OR51B5: variants seen among roughly 807,000 people sequenced by gnomAD.
OR51B5 encodes olfactory receptor family 51 subfamily B member 5, also known as olfactory receptor 51B5.
For synonymous variants in OR51B5, 186 were observed against 144.8 expected, an observed-to-expected ratio of 1.28 and a Z score of -2.04; for missense variants, 456 against 374.6, an observed-to-expected ratio of 1.22 and a Z score of -1.79.
chr11:5,501,297 T>C (rs2133820571), intron 1 of OR51B5, among the ~76,000 whole-genome samples: 1 of 148,234 alleles, frequency 6.7e-6, no homozygotes, highest in East Asian at 2.0e-4. Context: ...TGCCTGATTC[T>C]GCCCTACTGG....
intron 1 of OR51B5, among the ~76,000 whole-genome samples, chr11:5,418,959 G>T (rs111542391): frequency 2.7e-5 from 4 of 150,562 alleles, no homozygotes; most frequent in African/African-American, 9.8e-5. Context: ...TCTTGATATC[G>T]GTAATAGGGC....
chr11:5,480,013 T>A (rs1289013691), intron 1 of OR51B5, among the ~76,000 whole-genome samples: 1 of 150,888 alleles, frequency 6.6e-6, no homozygotes, highest in Non-Finnish European at 1.5e-5. Context: ...CAAGCAGACC[T>A]AATAGACATC....
chr11:5,369,911 T>C (rs1849424322), intron 1 of OR51B5, among the ~76,000 whole-genome samples: 1 of 152,138 alleles, frequency 6.6e-6, no homozygotes. Context: ...GCTATCAACA[T>C]AGAAAGAAAG....
intron 1 of OR51B5, among the ~76,000 whole-genome samples, chr11:5,417,524 C>A (rs957105834): frequency 3.3e-5 from 5 of 150,068 alleles, no homozygotes; most frequent in Admixed American, 6.6e-5. Context: ...TCACAACCTA[C>A]TCATCTGACA....
At chr11:5,412,651 G>T (rs1850167139) in intron 1 of OR51B5, among the ~76,000 whole-genome samples, 1 of 152,298 alleles carries the variant, frequency 6.6e-6, no homozygotes, top group African/African-American at 2.4e-5. Context: ...CCTGCACATG[G>T]CTCAGAGGGT....
intron 1 of OR51B5, among the ~76,000 whole-genome samples, chr11:5,466,261 G>C (rs1046857397): frequency 1.6e-4 from 24 of 152,094 alleles, no homozygotes; most frequent in African/African-American, 5.3e-4. Flanking sequence ...CTGTTAATTA[G>C]GGAATTAGGC....
At chr11:5,483,488 C>T (rs1179931724) in intron 1 of OR51B5, among the ~76,000 whole-genome samples, 1 of 128,696 alleles carries the variant, frequency 7.8e-6, no homozygotes, top group Non-Finnish European at 1.6e-5. Context: ...GCACATGTAC[C>T]CTAAAACTTA....
intron 1 of OR51B5, among the ~76,000 whole-genome samples, chr11:5,378,266 T>A (rs376295712): frequency 4.6e-5 from 7 of 152,064 alleles, no homozygotes; most frequent in African/African-American, 9.6e-5. Context: ...ATATGTAGAA[T>A]GCTGAAACTG....
At chr11:5,488,304 A>G (rs1211390201) in intron 1 of OR51B5, among the ~76,000 whole-genome samples, 1 of 152,176 alleles carries the variant, frequency 6.6e-6, no homozygotes, top group African/African-American at 2.4e-5. Context: ...AGAGGAGGAA[A>G]ATAAAGGAAT....
At chr11:5,459,335 T>A (rs1851011783) in intron 1 of OR51B5, among the ~76,000 whole-genome samples, 1 of 152,200 alleles carries the variant, frequency 6.6e-6, no homozygotes, top group East Asian at 1.9e-4. Context: ...AGCTCTTTGA[T>A]GTGCTGCTGG....
chr11:5,414,752 C>T (rs1247399793), intron 1 of OR51B5, among the ~76,000 whole-genome samples: 1 of 152,190 alleles, frequency 6.6e-6, no homozygotes, highest in African/African-American at 2.4e-5. Context: ...GCACCCAATA[C>T]AGGAGCACCC....
intron 1 of OR51B5, among the ~76,000 whole-genome samples, chr11:5,481,896 G>A (rs1851427711): frequency 7.1e-6 from 1 of 141,168 alleles, no homozygotes; most frequent in East Asian, 2.2e-4. Flanking sequence ...CTCACGGGTA[G>A]GAAGAATCAA....
chr11:5,370,783 C>T (rs1849435851), intron 1 of OR51B5, among the ~76,000 whole-genome samples: 1 of 151,964 alleles, frequency 6.6e-6, no homozygotes, highest in African/African-American at 2.4e-5. Flanking sequence ...CATATAGCTG[C>T]TATGAAAGAA....
upstream of OR51B5, among the ~76,000 whole-genome samples, chr11:5,347,917 C>G (rs1040539946): frequency 6.6e-6 from 1 of 151,976 alleles, no homozygotes; most frequent in African/African-American, 2.4e-5. Context: ...AAAGATGATG[C>G]CCAAATCTTT....
intron 1 of OR51B5, among the ~76,000 whole-genome samples, chr11:5,424,033 G>A (rs528133913): frequency 1.1e-4 from 17 of 152,168 alleles, no homozygotes; most frequent in African/African-American, 4.1e-4. Flanking sequence ...ATGACCTTAA[G>A]GATCATAAAA....
At chr11:5,389,882 T>C in intron 1 of OR51B5, 1 of 1,613,186 alleles carries the variant, frequency 6.2e-7, no homozygotes, top group Non-Finnish European at 8.5e-7. Context: ...AATTGTCATC[T>C]TCCGGGGACC....
intron 1 of OR51B5, among the ~76,000 whole-genome samples, chr11:5,388,040 T>C (rs1177289135): frequency 6.6e-6 from 1 of 152,170 alleles, no homozygotes; most frequent in Non-Finnish European, 1.5e-5. Flanking sequence ...CCTAATAGAA[T>C]TATGTCTGCC....
rs543626715 is a variant in OR51B5 at position 5,445,099 on chromosome 11, T to C, written n.84+60470A>G. 3.3e-5 allele frequency among the ~76,000 whole-genome samples: 5 copies of C among 152,308 alleles called. No individual in the cohort carries two copies. In the East Asian group the frequency reaches 7.7e-4, roughly 23 times the overall value. Reference sequence around the variant, plus strand: ...CCCAGTGCTCTAGTCACTAATTGTATGTATTGTCACATCAAACACACACTA... The same window carrying C: ...CCCAGTGCTCTAGTCACTAATTGTACGTATTGTCACATCAAACACACACTA... On this transcript the variant is annotated intron_variant and non_coding_transcript_variant, in intron 1 of 4. Coordinates refer to the OR51B5 transcript ENST00000415970.
intron 1 of OR51B5, among the ~76,000 whole-genome samples, chr11:5,456,725 T>C (rs1217371695): frequency 6.6e-6 from 1 of 152,186 alleles, no homozygotes; most frequent in Non-Finnish European, 1.5e-5. Flanking sequence ...AGTGAGCATA[T>C]GACATTTCCT....
Sources: allele counts gnomAD v4.1 joint callset (sites outside exome capture counted in the v4.1 genomes callset), GRCh38; gene constraint gnomAD v4.1.1; transcripts MANE v1.5; gene names NCBI Gene and HGNC (gene_info 2026-07-23, HGNC 2026-07-21).